Variants in VWC2L observed in about 807,000 individuals in gnomAD.
VWC2L encodes von Willebrand factor C domain-containing protein 2-like.
A neutral mutation model predicts 21.6 loss-of-function variants in VWC2L; 10 were observed. The ratio of observed to expected loss-of-function variants is 0.46; its 90% CI spans 0.29 to 0.78. VWC2L has a LOEUF of 0.78. VWC2L is among the 30% of genes least tolerant of loss of function. The probability of loss-of-function intolerance (pLI) is 0.10; values close to 1 mark genes in which losing one functional copy is unlikely to be tolerated. For synonymous variants in VWC2L, 96 were observed against 94.3 expected (o/e 1.02, Z -0.10); for missense variants, 209 against 277.1 (o/e 0.75, Z 1.74).
intron 3 of VWC2L, among the ~76,000 whole-genome samples, chr2:214,535,819 CA>C (rs1689518232): frequency 6.8e-6 from 1 of 147,570 alleles, no homozygotes; most frequent in African/African-American, 2.4e-5. Context: ...CACACACACA[CA>C]CTAGTCTGTA....
chr2:214,531,947 A>T (rs920447529), intron 3 of VWC2L, among the ~76,000 whole-genome samples: 1 of 152,146 alleles, frequency 6.6e-6, no homozygotes, highest in African/African-American at 2.4e-5. Context: ...TTCAATCTTC[A>T]TAAGGAATCA....
intron 3 of VWC2L, among the ~76,000 whole-genome samples, chr2:214,534,435 T>C (rs1228726980): frequency 6.6e-6 from 1 of 152,118 alleles, no homozygotes; most frequent in Non-Finnish European, 1.5e-5. Context: ...CAGAATCCTA[T>C]GGATTGTTTG....
chr2:214,568,718 A>G (rs1690105686), intron 3 of VWC2L, among the ~76,000 whole-genome samples: 1 of 152,150 alleles, frequency 6.6e-6, no homozygotes, highest in African/African-American at 2.4e-5. Flanking sequence ...ACAACAGGTG[A>G]TTATGTTGCC....
chr2:214,517,157 T>G (rs542173839), intron 3 of VWC2L, among the ~76,000 whole-genome samples: 13 of 152,386 alleles, frequency 8.5e-5, no homozygotes, highest in African/African-American at 2.4e-4. Flanking sequence ...TCTCATCTTC[T>G]GTGTCTTAGC....
intron 3 of VWC2L, among the ~76,000 whole-genome samples, chr2:214,538,994 A>G (rs1032417606): frequency 1.3e-5 from 2 of 152,166 alleles, no homozygotes; most frequent in Admixed American, 6.6e-5. Flanking sequence ...AATTGCATCT[A>G]TAGATCTTCC....
chr2:214,556,980 A>G (rs1012725180), intron 3 of VWC2L, among the ~76,000 whole-genome samples: 1 of 152,172 alleles, frequency 6.6e-6, no homozygotes, highest in Non-Finnish European at 1.5e-5. Flanking sequence ...CAGCAACCCT[A>G]CAGGGGCAGG....
intron 3 of VWC2L, among the ~76,000 whole-genome samples, chr2:214,478,165 T>G (rs1688551961): frequency 6.6e-6 from 1 of 152,254 alleles, no homozygotes; most frequent in South Asian, 2.1e-4. Flanking sequence ...GGTGTGGTCT[T>G]ATTCCTTTAA....
At chr2:214,573,435 G>C (rs550143390) in intron 3 of VWC2L, among the ~76,000 whole-genome samples, 1 of 152,052 alleles carries the variant, frequency 6.6e-6, no homozygotes, top group Non-Finnish European at 1.5e-5. Flanking sequence ...TATACAATTG[G>C]GGTAAACAGA....
chr2:214,573,170 C>T (rs982382082), intron 3 of VWC2L, among the ~76,000 whole-genome samples: 2 of 152,080 alleles, frequency 1.3e-5, no homozygotes, highest in African/African-American at 4.8e-5. Flanking sequence ...TCCTCCCTGC[C>T]TGTTTCTCTT....
chr2:214,499,875 A>G (rs1158949522), intron 3 of VWC2L, among the ~76,000 whole-genome samples: 1 of 152,242 alleles, frequency 6.6e-6, no homozygotes, highest in Non-Finnish European at 1.5e-5. Flanking sequence ...TGAGGAGATA[A>G]TAACGTACAA....
intron 3 of VWC2L, among the ~76,000 whole-genome samples, chr2:214,539,489 C>A (rs191016041): frequency 5.9e-5 from 9 of 152,160 alleles, no homozygotes. Flanking sequence ...AAATAAGAGA[C>A]CTTTTAGGTC....
At chr2:214,454,594 TTTTC>T (rs1382983663) in intron 3 of VWC2L, among the ~76,000 whole-genome samples, 9 of 129,714 alleles carry the variant, frequency 6.9e-5, no homozygotes, top group Admixed American at 2.7e-4. Flanking sequence ...CATTGATTGA[TTTTC>T]TTTTTTTTTT....
intron 3 of VWC2L, among the ~76,000 whole-genome samples, chr2:214,476,594 T>G (rs919018429): frequency 6.6e-6 from 1 of 152,186 alleles, no homozygotes; most frequent in Admixed American, 6.5e-5. Flanking sequence ...CAACCCAAAA[T>G]CTGTATGACA....
At chr2:214,421,882 C>T (rs1574555772) in intron 2 of VWC2L, among the ~76,000 whole-genome samples, 3 of 97,514 alleles carry the variant, frequency 3.1e-5, no homozygotes, top group East Asian at 5.6e-4. Flanking sequence ...CTATTTCCTA[C>T]ATCTTTTTTT....
chr2:214,576,111 A>T lies in VWC2L; in HGVS notation c.*291A>T, dbSNP rs913341137. On this transcript the variant is annotated 3_prime_UTR_variant, in exon 4 of 4. Transcript: ENST00000312504. ...AACAAAAAGAAAGAAATAGCCTTGC[A>T]CAGGCTCCTTCCCTGGTAATGCCTC... 5.2e-6 allele frequency: 1 copy of T among 191,200 alleles called. No homozygotes were observed. Among genetic ancestry groups the T allele is most frequent in the African/African-American group, 2.3e-5 (1 of 42,902 alleles). The allele number at this position is 191,200 out of a possible 1,614,324, so 11.8% of individuals were successfully genotyped here. A position where few individuals can be genotyped will look rare whatever the true frequency, so the allele number is the denominator to read the frequency against.
At chr2:214,412,025 CTTTT>C (rs200948692) in intron 1 of VWC2L, among the ~76,000 whole-genome samples, 1 of 150,088 alleles carries the variant, frequency 6.7e-6, no homozygotes, top group Non-Finnish European at 1.5e-5. Flanking sequence ...ATTATGAAGG[CTTTT>C]TTTTAAAAAA....
chr2:214,479,739 T>G (rs1443620680), intron 3 of VWC2L, among the ~76,000 whole-genome samples: 1 of 152,148 alleles, frequency 6.6e-6, no homozygotes, highest in African/African-American at 2.4e-5. Context: ...CGCAGTGAGC[T>G]GAGATCGTGC....
chr2:214,514,189 G>A (rs1006370267), intron 3 of VWC2L, among the ~76,000 whole-genome samples: 7 of 151,102 alleles, frequency 4.6e-5, no homozygotes, highest in African/African-American at 1.2e-4. Context: ...TTTACTTAAC[G>A]TTTTAATTTT....
chr2:214,549,424 T>C (rs1010071348), intron 3 of VWC2L, among the ~76,000 whole-genome samples: 1 of 152,088 alleles, frequency 6.6e-6, no homozygotes, highest in Admixed American at 6.6e-5. Flanking sequence ...GAATCACAGA[T>C]GAAAAGAAGC....
Sources: allele counts gnomAD v4.1 joint callset (sites outside exome capture counted in the v4.1 genomes callset), GRCh38; gene constraint gnomAD v4.1.1; transcripts MANE v1.5; gene names NCBI Gene and HGNC (gene_info 2026-07-23, HGNC 2026-07-21).